MDGA2: variants seen among roughly 807,000 people sequenced by gnomAD.
MDGA2 encodes the protein MAM domain-containing glycosylphosphatidylinositol anchor protein 2.
MDGA2 carries 40 observed loss-of-function variants against 117.8 expected under a neutral mutation model. The ratio of observed to expected loss-of-function variants is 0.34; its 90% CI spans 0.26 to 0.44. MDGA2 has a LOEUF of 0.44. Ranked by LOEUF, MDGA2 falls within the 20% of genes least tolerant of loss-of-function variation. The pLI, the probability that MDGA2 is intolerant of heterozygous loss-of-function variation, is 1.00. For synonymous variants in MDGA2, 452 were observed against 439.0 expected (o/e 1.03, Z -0.37); for missense variants, 1,123 against 1,250.6 (o/e 0.90, Z 1.54).
intron 8 of MDGA2, among the ~76,000 whole-genome samples, chr14:46,969,943 T>C (rs1387386054): frequency 1.0e-3 from 22 of 21,094 alleles, no homozygotes; most frequent in African/African-American, 3.5e-3. Context: ...CATATATATA[T>C]ATATATATAT....
intron 1 of MDGA2, among the ~76,000 whole-genome samples, chr14:47,395,277 GA>G (rs1891983391): frequency 6.6e-6 from 1 of 152,046 alleles, no homozygotes; most frequent in African/African-American, 2.4e-5. Flanking sequence ...GATGCAGAAT[GA>G]AAAGAACACT....
At chr14:47,093,716 ATTTAC>A (rs1053080432) in intron 6 of MDGA2, among the ~76,000 whole-genome samples, 4 of 152,172 alleles carry the variant, frequency 2.6e-5, no homozygotes, top group African/African-American at 9.6e-5. Flanking sequence ...TATCTCCATT[ATTTAC>A]TTTACACTCT....
At chr14:47,405,498 G>GGAGT (rs1224324166) in intron 1 of MDGA2, among the ~76,000 whole-genome samples, 1 of 152,054 alleles carries the variant, frequency 6.6e-6, no homozygotes, top group South Asian at 2.1e-4. Flanking sequence ...GAAGATAAGG[G>GGAGT]GAGTAGTAAT....
chr14:47,228,207 T>A (rs1886573244), intron 2 of MDGA2, among the ~76,000 whole-genome samples: 1 of 152,172 alleles, frequency 6.6e-6, no homozygotes, highest in Non-Finnish European at 1.5e-5. Flanking sequence ...TTAAAACATG[T>A]TTCATAACTT....
intron 1 of MDGA2, among the ~76,000 whole-genome samples, chr14:47,619,172 G>T (rs1897004432): frequency 6.7e-6 from 1 of 149,634 alleles, no homozygotes; most frequent in African/African-American, 2.5e-5. Context: ...CTACAAAACT[G>T]CTAATATGAT....
intron 1 of MDGA2, among the ~76,000 whole-genome samples, chr14:47,636,548 C>T (rs1299912222): frequency 1.3e-5 from 2 of 152,024 alleles, no homozygotes; most frequent in African/African-American, 4.8e-5. Flanking sequence ...CTTTGGAAGG[C>T]CAAGGTGGGC....
rs557920717 is a variant in MDGA2 at position 46,871,926 on chromosome 14, T to C, written c.2752+1507A>G. The C allele has an allele frequency of 1.3e-4, 54 of 404,674 alleles. 1 individual carries two copies. The highest frequency in any genetic ancestry group is 2.2e-4 in the Non-Finnish European group (44 of 195,870). 25.1% of individuals were successfully genotyped at this position (404,674 alleles called of 1,614,324 possible). On this transcript the variant is annotated intron_variant, in intron 14 of 16. Coordinates refer to ENST00000399232, the MANE Select transcript of MDGA2 (RefSeq NM_001113498.3). ...ATTTTGAGAGGCGAAGGTGGGAAGA[T>C]TCCTTGAGACCAGCCTGGGCAACAT...
chr14:47,485,166 A>C (rs1894033570), intron 1 of MDGA2, among the ~76,000 whole-genome samples: 2 of 152,150 alleles, frequency 1.3e-5, no homozygotes, highest in Non-Finnish European at 2.9e-5. Context: ...GGCTTTGAGA[A>C]TAATGCTGAT....
chr14:47,540,068 G>T (rs548111289), intron 1 of MDGA2, among the ~76,000 whole-genome samples: 1 of 151,884 alleles, frequency 6.6e-6, no homozygotes, highest in Admixed American at 6.6e-5. Flanking sequence ...GCTGGAGTGC[G>T]GTGGCACGAT....
chr14:47,151,688 G>A (rs958562248), intron 3 of MDGA2, among the ~76,000 whole-genome samples: 1 of 151,656 alleles, frequency 6.6e-6, no homozygotes, highest in East Asian at 1.9e-4. Context: ...TTTTAAAAGT[G>A]TATGATTTTT....
At chr14:47,559,619 C>T (rs910199016) in intron 1 of MDGA2, among the ~76,000 whole-genome samples, 2 of 150,566 alleles carry the variant, frequency 1.3e-5, no homozygotes, top group African/African-American at 4.9e-5. Flanking sequence ...GTCGCCCAGG[C>T]TGGAGTGCAA....
intron 6 of MDGA2, among the ~76,000 whole-genome samples, chr14:47,086,110 T>G (rs547745729): frequency 3.8e-5 from 5 of 131,110 alleles, no homozygotes; most frequent in African/African-American, 1.3e-4. Flanking sequence ...TTTTTTTGTT[T>G]TTTGTTTTTT....
chr14:46,989,975 A>G (rs1406221178), intron 8 of MDGA2, among the ~76,000 whole-genome samples: 1 of 152,140 alleles, frequency 6.6e-6, no homozygotes, highest in Admixed American at 6.6e-5. Flanking sequence ...TGTATACAAC[A>G]AAGTATTTGC....
At chr14:46,901,535 C>A (rs574837344) in intron 10 of MDGA2, among the ~76,000 whole-genome samples, 4 of 152,244 alleles carry the variant, frequency 2.6e-5, no homozygotes. Context: ...ATCCCACATG[C>A]ATTTTATTCA....
chr14:47,590,172 C>A (rs1051427262), intron 1 of MDGA2, among the ~76,000 whole-genome samples: 3 of 151,834 alleles, frequency 2.0e-5, no homozygotes, highest in Admixed American at 1.3e-4. Flanking sequence ...AATCTAGATA[C>A]CATTTCTTTC....
rs770460243 is a variant in MDGA2 at position 47,035,013 on chromosome 14, T to C, written c.1817A>G (p.Gln606Arg). 2.5e-6 allele frequency: 4 copies of C among 1,611,194 alleles called. No individual in the cohort carries two copies. Among genetic ancestry groups the C allele is most frequent in the East Asian group, 4.5e-5 (2 of 44,860 alleles). ...TGCATAAAAGGGAATTTACTTACAC[T>C]GAACGATGAGCTGCACCAAGGCTTC... ...PREALVQLIVQYPPAVEPAFL... is the reference protein window; with the variant it reads ...PREALVQLIVRYPPAVEPAFL... The change falls in exon 8 of 17, where the codon CAG becomes CGG. Residue 606 changes from glutamine (Q) to arginine (R), a missense_variant and splice_region_variant. Gln to Arg is a conservative substitution (Grantham distance 43). This residue lies in a region of MDGA2 where 890 missense variants were observed against 1,050.3 expected (regional missense o/e 0.85). Coordinates refer to ENST00000399232, the MANE Select transcript of MDGA2 (RefSeq NM_001113498.3).
intron 10 of MDGA2, among the ~76,000 whole-genome samples, chr14:46,897,496 C>A (rs971003401): frequency 1.3e-5 from 2 of 152,042 alleles, no homozygotes; most frequent in African/African-American, 4.8e-5. Flanking sequence ...TTGATTCAGT[C>A]ATTGAAAGCC....
intron 2 of MDGA2, among the ~76,000 whole-genome samples, chr14:47,241,303 C>A (rs1427740104): frequency 6.6e-6 from 1 of 151,804 alleles, no homozygotes; most frequent in East Asian, 1.9e-4. Flanking sequence ...ATGGTGAAAC[C>A]ATTGCTCTCC....
intron 1 of MDGA2, among the ~76,000 whole-genome samples, chr14:47,508,527 G>A (rs773003325): frequency 6.6e-6 from 1 of 152,166 alleles, no homozygotes; most frequent in African/African-American, 2.4e-5. Flanking sequence ...GTTATTTGTT[G>A]CTGTTGCATT....
Sources: allele counts gnomAD v4.1 joint callset (sites outside exome capture counted in the v4.1 genomes callset), GRCh38; gene constraint gnomAD v4.1.1; regional missense constraint gnomAD v4.1.1; transcripts MANE v1.5; gene names NCBI Gene and HGNC (gene_info 2026-07-23, HGNC 2026-07-21).